MSRA: variants seen among roughly 807,000 people sequenced by gnomAD.
MSRA encodes the protein methionine sulfoxide reductase A.
In MSRA, 54 loss-of-function variants were observed where a neutral mutation model predicts 31.3. The ratio of observed to expected loss-of-function variants is 1.73; its 90% confidence interval spans 1.39 to 2.17. The LOEUF (loss-of-function observed/expected upper bound fraction) is 2.17. Ranked by LOEUF, MSRA falls within the 30% of genes most tolerant of loss-of-function variation. MSRA has a pLI of 0.00. For synonymous variants in MSRA, 169 were observed against 116.5 expected (o/e 1.45, Z -2.90); for missense variants, 507 against 300.9 (o/e 1.69, Z -5.07).
chr8:10,193,324 G>A (rs1018500187), intron 1 of MSRA, among the ~76,000 whole-genome samples: 1 of 152,208 alleles, frequency 6.6e-6, no homozygotes, highest in African/African-American at 2.4e-5. Flanking sequence ...CGCTGAGAGA[G>A]ACACTGCGCA....
At chr8:10,267,123 T>C (rs1261013261) in intron 3 of MSRA, among the ~76,000 whole-genome samples, 1 of 152,224 alleles carries the variant, frequency 6.6e-6, no homozygotes, top group African/African-American at 2.4e-5. Context: ...TAAAACCTTG[T>C]CAACAGCAGT....
intron 5 of MSRA, among the ~76,000 whole-genome samples, chr8:10,339,054 A>C (rs1803240938): frequency 1.3e-5 from 2 of 152,134 alleles, no homozygotes; most frequent in Non-Finnish European, 2.9e-5. Flanking sequence ...TTTTTAATTC[A>C]CTGGGTTTGT....
chr8:10,318,956 T>C lies in MSRA; in HGVS notation c.437-927T>C, dbSNP rs77733357. On this transcript the variant is annotated intron_variant, in intron 4 of 5. Transcript: ENST00000317173. The stretch of plus-strand genomic sequence containing the variant: ...TGCTCCGCAGTCCTTACCTTTGTTC[T>C]ACCTTCACCCTTGGCGCCCACCTGC... 5.4e-3 allele frequency among the ~76,000 whole-genome samples: 818 copies of C among 152,278 alleles called. 3 individuals carry two copies. Among genetic ancestry groups the C allele is most frequent in the African/African-American group, 0.019 (799 of 41,560 alleles).
chr8:10,265,626 A>T (rs2129096565), intron 3 of MSRA, among the ~76,000 whole-genome samples: 1 of 152,324 alleles, frequency 6.6e-6, no homozygotes, highest in Middle Eastern at 3.4e-3. Flanking sequence ...ATCTATATTA[A>T]AGTACATATT....
At chr8:10,098,315 A>G (rs1012132674) in intron 1 of MSRA, among the ~76,000 whole-genome samples, 4 of 152,188 alleles carry the variant, frequency 2.6e-5, no homozygotes, top group African/African-American at 9.6e-5. Flanking sequence ...ATGCGTTAAT[A>G]TTTAACTGCT....
At chr8:10,083,321 T>C (rs1030594485) in intron 1 of MSRA, among the ~76,000 whole-genome samples, 1 of 152,236 alleles carries the variant, frequency 6.6e-6, no homozygotes, top group African/African-American at 2.4e-5. Flanking sequence ...TTGAGAGACA[T>C]TTCCATGGAG....
chr8:10,305,331 C>T (rs1311409749), intron 4 of MSRA, among the ~76,000 whole-genome samples: 2 of 151,852 alleles, frequency 1.3e-5, no homozygotes, highest in African/African-American at 2.4e-5. Context: ...ATGTTCTTTC[C>T]TGCTTCAAGG....
intron 1 of MSRA, among the ~76,000 whole-genome samples, chr8:10,074,237 C>G (rs1797885053): frequency 6.6e-6 from 1 of 151,758 alleles, no homozygotes. Context: ...CACCCGCCAC[C>G]ATGCCCAGCT....
At chr8:10,248,410 G>T (rs982414146) in intron 3 of MSRA, among the ~76,000 whole-genome samples, 1 of 152,188 alleles carries the variant, frequency 6.6e-6, no homozygotes, top group East Asian at 1.9e-4. Context: ...CTTTACCACC[G>T]CTCTGTGCAA....
intron 5 of MSRA, among the ~76,000 whole-genome samples, chr8:10,324,139 G>C (rs1391523745): frequency 6.6e-6 from 1 of 152,204 alleles, no homozygotes; most frequent in Admixed American, 6.5e-5. Context: ...CTGTCCAGTG[G>C]AGGGCCTCTG....
At chr8:10,290,191 C>G (rs1800156156) in intron 3 of MSRA, among the ~76,000 whole-genome samples, 1 of 152,152 alleles carries the variant, frequency 6.6e-6, no homozygotes, top group Admixed American at 6.5e-5. Context: ...TTCTTAAAAG[C>G]CATCGTGGAG....
chr8:10,178,105 A>G (rs1806212503), intron 1 of MSRA, among the ~76,000 whole-genome samples: 1 of 152,198 alleles, frequency 6.6e-6, no homozygotes, highest in East Asian at 1.9e-4. Context: ...AAACTTTGTG[A>G]TTATATCAGA....
At chr8:10,247,893 G>A (rs890067577) in intron 3 of MSRA, among the ~76,000 whole-genome samples, 1 of 152,178 alleles carries the variant, frequency 6.6e-6, no homozygotes, top group Non-Finnish European at 1.5e-5. Flanking sequence ...GGAATAACAG[G>A]GAAGGAGAAC....
At chr8:10,075,832 A>G (rs1409005893) in intron 1 of MSRA, among the ~76,000 whole-genome samples, 1 of 152,178 alleles carries the variant, frequency 6.6e-6, no homozygotes, top group South Asian at 2.1e-4. Flanking sequence ...TTTTTCTCCC[A>G]TGGGTACCAC....
intron 4 of MSRA, among the ~76,000 whole-genome samples, chr8:10,318,063 C>G (rs1563344067): frequency 6.6e-6 from 1 of 152,192 alleles, no homozygotes; most frequent in Non-Finnish European, 1.5e-5. Flanking sequence ...CTGGGATGCC[C>G]CCTCCCCAGC....
At chr8:10,369,884 G>A (rs368502614) in intron 5 of MSRA, among the ~76,000 whole-genome samples, 1 of 152,124 alleles carries the variant, frequency 6.6e-6, no homozygotes, top group Non-Finnish European at 1.5e-5. Context: ...AGATAAAAGA[G>A]GAACAATCAT....
chr8:10,149,479 G>C (rs1357638572), intron 1 of MSRA, among the ~76,000 whole-genome samples: 1 of 152,194 alleles, frequency 6.6e-6, no homozygotes, highest in Non-Finnish European at 1.5e-5. Context: ...GGCCCCTCCA[G>C]GGCCTGTGCT....
chr8:10,255,185 A>G (rs1040304808), intron 3 of MSRA, among the ~76,000 whole-genome samples: 4 of 152,214 alleles, frequency 2.6e-5, no homozygotes, highest in African/African-American at 9.6e-5. Flanking sequence ...TTGGGCTGAA[A>G]CACGCAGTAA....
chr8:10,264,502 C>T (rs745807957), intron 3 of MSRA, among the ~76,000 whole-genome samples: 19 of 152,164 alleles, frequency 1.2e-4, no homozygotes, highest in African/African-American at 3.4e-4. Flanking sequence ...TTTATCAGAA[C>T]GATGGCTGCC....
Sources: gnomAD v4.1 joint callset for allele counts (sites outside exome capture counted in the v4.1 genomes callset) on GRCh38, gnomAD v4.1.1 for gene constraint, MANE v1.5 for transcripts, NCBI Gene and HGNC (gene_info 2026-07-23, HGNC 2026-07-21) for gene names.